Variants in RBFOX1 observed in about 807,000 individuals in gnomAD.
RBFOX1 encodes RNA binding fox-1 homolog 1.
Under a neutral mutation model 57.7 loss-of-function variants are expected in RBFOX1, and 8 were observed. The observed-to-expected ratio is 0.14, with a 90% CI of 0.08 to 0.25. The LOEUF (loss-of-function observed/expected upper bound fraction) is 0.25, where lower values mean the gene tolerates loss of function less well. Ranked by LOEUF, RBFOX1 falls within the 10% of genes least tolerant of loss-of-function variation. RBFOX1 has a pLI of 1.00. For missense variants in RBFOX1, 611 were observed against 548.5 expected (o/e 1.11, Z -1.14); for synonymous variants, 326 against 222.4 (o/e 1.47, Z -4.15).
chr16:6,072,499 C>A (rs769902029), intron 1 of RBFOX1, among the ~76,000 whole-genome samples: 1 of 152,088 alleles, frequency 6.6e-6, no homozygotes, highest in Non-Finnish European at 1.5e-5. Flanking sequence ...CTGGTAATCA[C>A]ATTTTTAAAT....
At chr16:5,796,480 C>T (rs1465484666) in intron 3 of RBFOX1, among the ~76,000 whole-genome samples, 1 of 152,076 alleles carries the variant, frequency 6.6e-6, no homozygotes, top group African/African-American at 2.4e-5. Context: ...GTGGTGGTGG[C>T]ATCATAGATG....
chr16:7,518,048 G>C, intron 4 of RBFOX1, 99 bp from the exon 5 acceptor site: 7 of 1,451,004 alleles, frequency 4.8e-6, no homozygotes, highest in Non-Finnish European at 5.6e-6. Flanking sequence ...CCCCTAGAAA[G>C]TACGCGGGGC....
chr16:6,135,146 T>C (rs1302132291), intron 1 of RBFOX1, among the ~76,000 whole-genome samples: 1 of 152,128 alleles, frequency 6.6e-6, no homozygotes, highest in Non-Finnish European at 1.5e-5. Context: ...GTTATGGTAG[T>C]AGGTTTTCAG....
chr16:5,638,676 G>T (rs2048764853), intron 3 of RBFOX1, among the ~76,000 whole-genome samples: 2 of 152,130 alleles, frequency 1.3e-5, no homozygotes, highest in Admixed American at 1.3e-4. Context: ...ATTGGAATGG[G>T]TTAAGGAAGG....
intron 2 of RBFOX1, among the ~76,000 whole-genome samples, chr16:6,596,355 C>T (rs1390400644): frequency 6.6e-6 from 1 of 152,166 alleles, no homozygotes; most frequent in Admixed American, 6.6e-5. Context: ...CAGCACCATT[C>T]ATTGAAAATC....
At chr16:6,282,021 G>T (rs1265785363) in intron 1 of RBFOX1, among the ~76,000 whole-genome samples, 2 of 152,154 alleles carry the variant, frequency 1.3e-5, no homozygotes, top group African/African-American at 4.8e-5. Context: ...CCACTCTATA[G>T]AGTGGTATCA....
intron 10 of RBFOX1, among the ~76,000 whole-genome samples, chr16:7,621,043 C>T (rs987482893): frequency 2.0e-5 from 3 of 152,026 alleles, no homozygotes; most frequent in African/African-American, 4.8e-5. Flanking sequence ...TCTCAGGCCC[C>T]ACCCCAGACC....
chr16:5,668,960 A>T (rs1361021088), intron 3 of RBFOX1, among the ~76,000 whole-genome samples: 3 of 152,190 alleles, frequency 2.0e-5, no homozygotes, highest in African/African-American at 4.8e-5. Context: ...CAGGATGCCT[A>T]TGTAGTAGTA....
chr16:7,125,707 G>C (rs1458245449), intron 4 of RBFOX1, among the ~76,000 whole-genome samples: 2 of 150,980 alleles, frequency 1.3e-5, no homozygotes, highest in Non-Finnish European at 2.9e-5. Context: ...TTTTTTTTTA[G>C]ACAGATGCCT....
At chr16:7,698,183 GGTGTGTGT>G (rs59239865) in intron 14 of RBFOX1, among the ~76,000 whole-genome samples, 2,723 of 136,188 alleles carry the variant, frequency 0.02, 63 homozygotes, top group African/African-American at 0.052. Flanking sequence ...AGTCCAAGAG[GGTGTGTGT>G]GTGTGTGTGT....
intron 3 of RBFOX1, among the ~76,000 whole-genome samples, chr16:6,881,986 A>T (rs1306484174): frequency 2.0e-5 from 3 of 152,176 alleles, no homozygotes; most frequent in Non-Finnish European, 4.4e-5. Flanking sequence ...GACATAAAGG[A>T]GAAATTTTTT....
chr16:6,403,803 C>T (rs559016735), intron 2 of RBFOX1, among the ~76,000 whole-genome samples: 1 of 152,216 alleles, frequency 6.6e-6, no homozygotes, highest in Admixed American at 6.5e-5. Context: ...GTATGGAAAC[C>T]CTACCCCTGA....
chr16:6,201,068 GTGTC>G (rs748925299), intron 1 of RBFOX1, among the ~76,000 whole-genome samples: 44 of 151,860 alleles, frequency 2.9e-4, no homozygotes, highest in Admixed American at 4.6e-4. Flanking sequence ...TTGTCTTTCT[GTGTC>G]TGGCTTATTT....
At chr16:7,609,481 T>A (rs905787198) in intron 10 of RBFOX1, among the ~76,000 whole-genome samples, 9 of 152,176 alleles carry the variant, frequency 5.9e-5, no homozygotes, top group African/African-American at 1.7e-4. Context: ...TCTGCATGAC[T>A]TCTAGAACAT....
chr16:6,655,697 A>G (rs1203695407), intron 3 of RBFOX1, among the ~76,000 whole-genome samples: 2 of 152,180 alleles, frequency 1.3e-5, no homozygotes, highest in Non-Finnish European at 2.9e-5. Context: ...TTGGATCCAA[A>G]GAGGTCAAAT....
chr16:6,664,984 C>T (rs1348486318), intron 3 of RBFOX1, among the ~76,000 whole-genome samples: 2 of 152,072 alleles, frequency 1.3e-5, no homozygotes, highest in Admixed American at 6.5e-5. Flanking sequence ...TCTTGTGTGC[C>T]GCATTAGTCA....
chr16:5,774,080 C>G (rs2054067405), intron 3 of RBFOX1, among the ~76,000 whole-genome samples: 1 of 152,140 alleles, frequency 6.6e-6, no homozygotes. Flanking sequence ...GTGATGTCTG[C>G]TTTATATGTA....
intron 2 of RBFOX1, among the ~76,000 whole-genome samples, chr16:6,382,282 G>A (rs969060855): frequency 1.3e-5 from 2 of 152,168 alleles, no homozygotes; most frequent in South Asian, 2.1e-4. Flanking sequence ...TGTTGGTCCC[G>A]TCCTAAAGTT....
intron 1 of RBFOX1, among the ~76,000 whole-genome samples, chr16:6,074,303 T>A (rs1234333315): frequency 6.6e-6 from 1 of 152,142 alleles, no homozygotes; most frequent in African/African-American, 2.4e-5. Flanking sequence ...TACAGACTTT[T>A]TGTATGTAGT....
Sources: gnomAD v4.1 joint callset for allele counts (sites outside exome capture counted in the v4.1 genomes callset) on GRCh38, gnomAD v4.1.1 for gene constraint, MANE v1.5 for transcripts, NCBI Gene and HGNC (gene_info 2026-07-23, HGNC 2026-07-21) for gene names.